CCN4: variants seen among roughly 807,000 people sequenced by gnomAD.
The protein encoded by CCN4 is CCN family member 4.
Under a neutral mutation model 36.7 loss-of-function variants are expected in CCN4, and 30 were observed. The observed-to-expected ratio is 0.82, with a 90% CI of 0.61 to 1.11. The LOEUF is 1.11. CCN4 is among the 50% of genes least tolerant of loss of function. The pLI is 0.00. For synonymous variants in CCN4, 191 were observed against 195.4 expected, an observed-to-expected ratio of 0.98 and a Z score of 0.19; for missense variants, 505 against 504.9, an observed-to-expected ratio of 1.00 and a Z score of 0.00.
chr8:133,198,843 GC>G (rs1295250208), intron 1 of CCN4, among the ~76,000 whole-genome samples: 4 of 152,074 alleles, frequency 2.6e-5, no homozygotes, highest in Admixed American at 6.5e-5. Context: ...GACCACCTGT[GC>G]CCTCAGGCCC....
chr8:133,194,108 TA>T (rs1853216121), intron 1 of CCN4, among the ~76,000 whole-genome samples: 1 of 152,124 alleles, frequency 6.6e-6, no homozygotes, highest in Non-Finnish European at 1.5e-5. Context: ...AGCTGAGTGA[TA>T]AAATCCTGGG....
intron 2 of CCN4, among the ~76,000 whole-genome samples, chr8:133,213,982 GTAGTTATATATAC>G (rs368195460): frequency 7.2e-4 from 1 of 1,394 alleles, no homozygotes; most frequent in African/African-American, 1.7e-3. Flanking sequence ...ACTATATATA[GTAGTTATATATAC>G]TATATATACA....
chr8:133,214,476 G>A (rs1032888146), intron 2 of CCN4, among the ~76,000 whole-genome samples: 2 of 151,266 alleles, frequency 1.3e-5, no homozygotes. Context: ...CTTTATTCTT[G>A]GTGTATTCTG....
At position 133,225,478 on chromosome 8, in the gene CCN4, G is replaced by A; in HGVS notation, c.699G>A (p.Gly233=). ...WSPCSTSCGL[G]VSTRISNVNA... Reference sequence around the variant, plus strand: ...CTTGCTCCACCAGCTGCGGCCTGGGGGTCTCCACTCGGATCTCCAATGTTA... The same window carrying A: ...CTTGCTCCACCAGCTGCGGCCTGGGAGTCTCCACTCGGATCTCCAATGTTA... Residue 233 remains glycine (G), a synonymous_variant, in exon 4 of 5, where the codon GGG becomes GGA. Coordinates refer to ENST00000250160, the MANE Select transcript of CCN4 (RefSeq NM_003882.4). The A allele has an allele frequency of 6.2e-7, 1 of 1,614,078 alleles. No homozygotes were observed. The highest frequency in any genetic ancestry group is 8.5e-7 in the Non-Finnish European group (1 of 1,179,984).
At chr8:133,206,990 A>G (rs1381093970) in intron 1 of CCN4, among the ~76,000 whole-genome samples, 1 of 152,172 alleles carries the variant, frequency 6.6e-6, no homozygotes, top group African/African-American at 2.4e-5. Context: ...GTGGAGCAGG[A>G]AGGCGGGGGG....
chr8:133,212,605 T>G (rs535919683), intron 1 of CCN4, among the ~76,000 whole-genome samples: 2 of 152,274 alleles, frequency 1.3e-5, no homozygotes, highest in Admixed American at 6.5e-5. Context: ...GAGCAGGGTC[T>G]GAGGTGGAAT....
intron 1 of CCN4, among the ~76,000 whole-genome samples, chr8:133,193,802 T>C (rs1413802729): frequency 1.3e-5 from 2 of 152,212 alleles, no homozygotes; most frequent in South Asian, 2.1e-4. Context: ...CTCTTGGTAA[T>C]GTAGCCTCCT....
At position 133,191,134 on chromosome 8, in the gene CCN4, G is replaced by A; in HGVS notation, c.-11G>A. 1 of 1,605,966 alleles carries A rather than the reference G, an allele frequency of 6.2e-7. No individual in the cohort carries two copies. Among genetic ancestry groups the A allele is most frequent in the South Asian group, 1.1e-5 (1 of 90,940 alleles). On this transcript the variant is annotated 5_prime_UTR_variant, in exon 1 of 5. An upstream open reading frame in the 5' UTR loses its in-frame stop. Coordinates refer to ENST00000250160, the MANE Select transcript of CCN4 (RefSeq NM_003882.4). ...CTGCTCGGTCGATGCCTGTGCCACT[G>A]ACGTCCAGGCATGAGGTGGTTCCTG...
intron 2 of CCN4, among the ~76,000 whole-genome samples, chr8:133,219,709 C>A (rs1588201810): frequency 6.6e-6 from 1 of 152,106 alleles, no homozygotes; most frequent in East Asian, 1.9e-4. Flanking sequence ...CTAGAAAACC[C>A]AGCATTCCTA....
At chr8:133,221,555 TG>T (rs1447385073) in intron 3 of CCN4, among the ~76,000 whole-genome samples, 2 of 151,752 alleles carry the variant, frequency 1.3e-5, no homozygotes, top group African/African-American at 2.4e-5. Context: ...GGATGATGGA[TG>T]GATGGAAGGA....
chr8:133,218,917 C>A (rs1217646464), intron 2 of CCN4, among the ~76,000 whole-genome samples: 1 of 152,164 alleles, frequency 6.6e-6, no homozygotes, highest in Non-Finnish European at 1.5e-5. Context: ...GAGGACAGAG[C>A]ATCTTCCTCC....
At chr8:133,206,497 G>T (rs369141389) in intron 1 of CCN4, among the ~76,000 whole-genome samples, 1 of 152,132 alleles carries the variant, frequency 6.6e-6, no homozygotes, top group Admixed American at 6.5e-5. Flanking sequence ...TTTTTTGGGG[G>T]GTGGAAAAAG....
intron 4 of CCN4, among the ~76,000 whole-genome samples, chr8:133,226,676 A>G (rs1330623957): frequency 6.6e-6 from 1 of 152,196 alleles, no homozygotes; most frequent in Non-Finnish European, 1.5e-5. Context: ...GTCCAAGCCA[A>G]TTTTGATTTC....
Position 133,225,774 on chromosome 8 carries a change from TG to T in CCN4, c.804+193del, listed in dbSNP as rs1854712407. Among the ~76,000 whole-genome samples the T allele has an allele frequency of 3.3e-5, 5 of 152,176 alleles. 1 individual carries two copies. In the South Asian group the frequency reaches 1.0e-3, roughly 32 times the overall value. On this transcript the variant is annotated intron_variant, in intron 4 of 4. Coordinates refer to ENST00000250160, the MANE Select transcript of CCN4 (RefSeq NM_003882.4). ...TTGGTGCATTGTGAATTTCAGTCAATGGAAGCTTTGGTAGGTATCATATTAT... is the reference window on the plus strand; with the variant it reads ...TTGGTGCATTGTGAATTTCAGTCAATGAAGCTTTGGTAGGTATCATATTAT...
chr8:133,224,375 G>A (rs1854650688), intron 3 of CCN4, among the ~76,000 whole-genome samples: 1 of 151,192 alleles, frequency 6.6e-6, no homozygotes, highest in Admixed American at 6.6e-5. Flanking sequence ...GAGTAGCTGG[G>A]ATTACAGCAC....
At chr8:133,227,036 G>A (rs891463903) in intron 4 of CCN4, among the ~76,000 whole-genome samples, 2 of 152,200 alleles carry the variant, frequency 1.3e-5, no homozygotes, top group African/African-American at 4.8e-5. Context: ...GTGGAGTCCC[G>A]ATGCCAGTTC....
chr8:133,202,342 G>A (rs746367257), intron 1 of CCN4, among the ~76,000 whole-genome samples: 1 of 152,102 alleles, frequency 6.6e-6, no homozygotes, highest in Non-Finnish European at 1.5e-5. Flanking sequence ...TTTATAATGC[G>A]GTTGCCTGTT....
At chr8:133,191,547 C>G (rs563073694) in intron 1 of CCN4, among the ~76,000 whole-genome samples, 4 of 152,316 alleles carry the variant, frequency 2.6e-5, no homozygotes, top group South Asian at 4.1e-4. Flanking sequence ...TTCGCCTAAC[C>G]TGGCTGTGTG....
chr8:133,206,637 A>T (rs1588188529), intron 1 of CCN4, among the ~76,000 whole-genome samples: 1 of 151,938 alleles, frequency 6.6e-6, no homozygotes, highest in African/African-American at 2.4e-5. Flanking sequence ...AGAGAGAGAG[A>T]CCCTACACTG....
Sources: allele counts gnomAD v4.1 joint callset (sites outside exome capture counted in the v4.1 genomes callset), GRCh38; gene constraint gnomAD v4.1.1; transcripts MANE v1.5; gene names NCBI Gene and HGNC (gene_info 2026-07-23, HGNC 2026-07-21).